SRRM1: variants seen among roughly 807,000 people sequenced by gnomAD.
SRRM1 encodes serine/arginine repetitive matrix protein 1.
SRRM1 carries 19 observed loss-of-function variants against 110.2 expected under a neutral mutation model. The ratio of observed to expected loss-of-function variants is 0.17; its 90% CI spans 0.12 to 0.25. The LOEUF is 0.25. SRRM1 is among the 10% of genes least tolerant of loss of function. The pLI, the probability that SRRM1 is intolerant of heterozygous loss-of-function variation, is 1.00. For missense variants in SRRM1, 918 were observed against 1,145.8 expected (o/e 0.80, Z 2.87); for synonymous variants, 443 against 414.9 (o/e 1.07, Z -0.82).
chr1:24,662,914 G>T (rs986527324), intron 12 of SRRM1, 110 bp downstream of exon 12: 15 of 1,439,336 alleles, frequency 1.0e-5, no homozygotes, highest in Non-Finnish European at 1.4e-5. Flanking sequence ...TTTGGATGTG[G>T]TTGGATTTTT....
intron 8 of SRRM1, 56 bp downstream of exon 8, chr1:24,653,088 CTT>C: frequency 6.5e-7 from 1 of 1,538,100 alleles, no homozygotes; most frequent in Non-Finnish European, 8.8e-7. Flanking sequence ...GATAATCTTT[CTT>C]TTAGGATAAT....
chr1:24,666,991 G>A (rs1013137938), intron 13 of SRRM1, 66 bp downstream of exon 13: 6 of 934,372 alleles, frequency 6.4e-6, no homozygotes, highest in Non-Finnish European at 9.9e-6. Flanking sequence ...AACATCAGAT[G>A]AGTAATGGTG....
chr1:24,651,708 C>A, intron 6 of SRRM1, 96 bp downstream of exon 6: 1 of 1,004,646 alleles, frequency 1.0e-6, no homozygotes, highest in African/African-American at 1.6e-5. Context: ...TACTTATTTT[C>A]CTTTTAGATT....
Position 24,646,774 on chromosome 1 carries a change from C to T in SRRM1, c.219C>T (p.Asn73=), listed in dbSNP as rs1657900438. Residue 73 remains asparagine (N), a synonymous_variant, in exon 3 of 17, where the codon AAC becomes AAT. Transcript: ENST00000323848. ...ATGTTGTGATTGAGTTTATATTCAA[C>T]CAGCTGGAAGTGAAGGTACTAATAT... The part of the protein sequence containing the change: ...EDDVVIEFIF[N]QLEVKNPDSK... The T allele has an allele frequency of 6.3e-7, 1 of 1,599,630 alleles. No individual in the cohort carries two copies. The highest frequency in any genetic ancestry group is 8.5e-7 in the Non-Finnish European group (1 of 1,175,228).
chr1:24,653,576 A>G (rs1662295239), intron 8 of SRRM1, among the ~76,000 whole-genome samples: 1 of 152,162 alleles, frequency 6.6e-6, no homozygotes, highest in Admixed American at 6.5e-5. Flanking sequence ...CATAGATATA[A>G]TTGCTATTAC....
intron 14 of SRRM1, 138 bp downstream of exon 14, chr1:24,669,725 C>G (rs1253885320): frequency 1.4e-6 from 1 of 727,920 alleles, no homozygotes; most frequent in Non-Finnish European, 2.2e-6. Context: ...ATTTACAGAT[C>G]TTATTCCATT....
At chr1:24,643,770 G>A in intron 1 of SRRM1, 1 of 189,724 alleles carries the variant, frequency 5.3e-6, no homozygotes, top group African/African-American at 2.3e-5. Context: ...ATATGGTTTG[G>A]GGGTACATCT....
chr1:24,662,693 G>A lies in SRRM1; in HGVS notation c.1517G>A (p.Arg506Gln), dbSNP rs766066881. 4 of 1,613,788 alleles carry A rather than the reference G, an allele frequency of 2.5e-6. No homozygotes were observed. Among genetic ancestry groups the A allele is most frequent in the Admixed American group, 1.7e-5 (1 of 59,970 alleles). The change falls in exon 12 of 17, where the codon CGA (arginine) becomes CAA (glutamine). Residue 506 changes from arginine to glutamine, a missense_variant. This residue lies in a region of SRRM1 where 357 missense variants were observed against 402.9 expected (regional missense o/e 0.89). Transcript: ENST00000323848. ...SGSSSSSEDE[R>Q]PKRSHVKNGE... ...TCCTCCTCCTCCTCAGAAGATGAAC[G>A]ACCCAAGAGATCCCATGTGAAGAAT...
chr1:24,654,877 T>G lies in SRRM1; in HGVS notation c.1063T>G (p.Leu355Val), dbSNP rs750985297. 3 of 1,614,220 alleles carry G rather than the reference T, an allele frequency of 1.9e-6. No individual in the cohort carries two copies. The highest frequency in any genetic ancestry group is 2.5e-6 in the Non-Finnish European group (3 of 1,180,028). Residue 355 changes from leucine to valine, a missense_variant, in exon 9 of 17, where the codon TTG becomes GTG. Transcript: ENST00000323848. ...CAGAAGAAGACGTTCGTCAGCATCC[T>G]TGTCTGGGAGTAGCTCATCATCCTC... Reference protein sequence around the residue: ...VRRRRRSSASLSGSSSSSSSS... With the variant: ...VRRRRRSSASVSGSSSSSSSS...
At chr1:24,646,268 C>T (rs1657503431) in intron 2 of SRRM1, among the ~76,000 whole-genome samples, 195 bp downstream of exon 2, 1 of 152,208 alleles carries the variant, frequency 6.6e-6, no homozygotes, top group Admixed American at 6.5e-5. Context: ...TGGCTCACGC[C>T]TGTAATCCCA....
intron 8 of SRRM1, chr1:24,654,374 A>G (rs767361679): frequency 1.6e-6 from 2 of 1,288,344 alleles, no homozygotes; most frequent in Non-Finnish European, 2.0e-6. Flanking sequence ...ACTTAACACA[A>G]ATTTTGCCGC....
intron 8 of SRRM1, 139 bp from the exon 9 acceptor site, chr1:24,654,716 T>C: frequency 1.0e-6 from 1 of 990,960 alleles, no homozygotes; most frequent in Non-Finnish European, 1.5e-6. Context: ...CCCCCATTCT[T>C]TTGGACTCAT....
chr1:24,669,870 A>G (rs560956081), intron 14 of SRRM1: 7 of 558,018 alleles, frequency 1.3e-5, no homozygotes, highest in Non-Finnish European at 2.2e-5. Flanking sequence ...CTTGTGTGTG[A>G]TGTAAGGAAC....
At chr1:24,649,879 A>G in intron 4 of SRRM1, 92 bp from the exon 5 acceptor site, 1 of 1,123,428 alleles carries the variant, frequency 8.9e-7, no homozygotes, top group Admixed American at 3.2e-5. Context: ...ATGAAATGAT[A>G]ATAGCATTGG....
intron 1 of SRRM1, among the ~76,000 whole-genome samples, chr1:24,645,671 C>T (rs1210919334): frequency 1.3e-5 from 2 of 152,296 alleles, no homozygotes; most frequent in South Asian, 2.1e-4. Flanking sequence ...CCCTACGTAT[C>T]TATTAGCATA....
chr1:24,666,322 TGC>T (rs766654485), intron 12 of SRRM1, among the ~76,000 whole-genome samples: 1 of 152,212 alleles, frequency 6.6e-6, no homozygotes, highest in Non-Finnish European at 1.5e-5. Context: ...TTTTTAATGC[TGC>T]CACCCAGGGT....
Position 24,652,438 on chromosome 1 carries a change from A to T in SRRM1, c.730A>T (p.Ile244Phe), listed in dbSNP as rs377349401. The T allele has an allele frequency of 6.5e-6, 10 of 1,549,150 alleles. No individual in the cohort carries two copies. The South Asian group carries it at 1.2e-4, about 19-fold the overall frequency. The change falls in exon 7 of 17, where the codon ATT becomes TTT. Residue 244 changes from isoleucine to phenylalanine, a missense_variant. Physicochemically the swap from Ile to Phe is conservative, Grantham distance 21 (BLOSUM62 0). Around this residue, in one of 5 missense-constraint regions of SRRM1, gnomAD observed 456 missense variants for 453.5 expected, o/e 1.01. Transcript: ENST00000323848. ...AAAAAGCTTTTGTTTCCACAGTGAC[A>T]TTCTGAAAGTTCCCAAACCTGAACC... ...SVQEATSTSDILKVPKPEPIP... is the reference protein window; with the variant it reads ...SVQEATSTSDFLKVPKPEPIP...
At position 24,651,561 on chromosome 1, in the gene SRRM1, A is replaced by C. The variant is rs766786675; in HGVS notation, c.674A>C (p.Glu225Ala). Residue 225 changes from glutamate (E) to alanine (A), a missense_variant, in exon 6 of 17, where the codon GAA (glutamate) becomes GCA (alanine). By Grantham distance (107) the Glu-to-Ala change is moderately radical (BLOSUM62 -1). Coordinates refer to ENST00000323848, the MANE Select transcript of SRRM1 (RefSeq NM_005839.4). ...AAGGAAAAAACTCCAGAGCTCCCAGAACCTTCAGTGAAAGTAAAAGAACCT... is the reference window on the plus strand; with the variant it reads ...AAGGAAAAAACTCCAGAGCTCCCAGCACCTTCAGTGAAAGTAAAAGAACCT... ...EKKEKTPELP[E>A]PSVKVKEPSV... The C allele has an allele frequency of 1.9e-6, 3 of 1,613,956 alleles. No individual in the cohort carries two copies. Among genetic ancestry groups the C allele is most frequent in the Non-Finnish European group, 2.5e-6 (3 of 1,180,016 alleles).
intron 12 of SRRM1, among the ~76,000 whole-genome samples, chr1:24,664,203 C>T (rs746640651): frequency 6.6e-6 from 1 of 152,008 alleles, no homozygotes; most frequent in Non-Finnish European, 1.5e-5. Context: ...GCCATGTTGG[C>T]CAGGATGGTC....
Sources: allele counts gnomAD v4.1 joint callset (sites outside exome capture counted in the v4.1 genomes callset), GRCh38; gene constraint gnomAD v4.1.1; regional missense constraint gnomAD v4.1.1; transcripts MANE v1.5; gene names NCBI Gene and HGNC (gene_info 2026-07-23, HGNC 2026-07-21).